Variants in KNL1 observed in about 807,000 individuals in gnomAD.
KNL1 encodes the protein outer kinetochore KNL1 complex subunit KNL1.
In KNL1, 66 loss-of-function variants were observed where a neutral mutation model predicts 201.3. The observed-to-expected ratio is 0.33, with a 90% CI of 0.27 to 0.40. The LOEUF (loss-of-function observed/expected upper bound fraction) is 0.40, where lower values mean the gene tolerates loss of function less well. KNL1 is among the 10% of genes least tolerant of loss of function. The pLI is 1.00. For synonymous variants in KNL1, 895 were observed against 899.2 expected (o/e 1.00, Z 0.08); for missense variants, 2,815 against 2,690.5 (o/e 1.05, Z -1.02).
intron 21 of KNL1, 78 bp downstream of exon 21, chr15:40,652,183 A>G (rs1280980421): frequency 1.1e-6 from 1 of 908,256 alleles, no homozygotes; most frequent in Non-Finnish European, 1.8e-6. Flanking sequence ...TCTTTATTTT[A>G]CTATACTGAT....
intron 10 of KNL1, among the ~76,000 whole-genome samples, chr15:40,627,672 G>A (rs2141730255): frequency 6.6e-6 from 1 of 152,270 alleles, no homozygotes; most frequent in East Asian, 1.9e-4. Context: ...AGTAAAGCCT[G>A]GAAATAAGTT....
chr15:40,656,993 A>G (rs758783205), intron 22 of KNL1, 49 bp from the exon 23 acceptor site: 5 of 802,008 alleles, frequency 6.2e-6, no homozygotes, highest in East Asian at 2.7e-5. Context: ...TATAAAATAT[A>G]TGAATCATAA....
At chr15:40,659,584 C>T in intron 25 of KNL1, 123 bp downstream of exon 25, 1 of 786,440 alleles carries the variant, frequency 1.3e-6, no homozygotes, top group Non-Finnish European at 1.9e-6. Context: ...CCTCTGCCTC[C>T]CGGGTTCACG....
In KNL1 at chr15:40,629,754, G is replaced by A. The variant is rs569214209; in HGVS notation, c.5682+383G>A. Among the ~76,000 whole-genome samples the A allele has an allele frequency of 5.3e-5, 8 of 152,008 alleles. No homozygotes were observed. In the East Asian group the frequency reaches 1.6e-3, roughly 29 times the overall value. The stretch of plus-strand genomic sequence containing the variant: ...CTGACCTCGTGACCCACTTGCCTCA[G>A]CCTCCCAAAGTGCTGGGTTTACAAG... On this transcript the variant is annotated intron_variant, in intron 13 of 25. Coordinates refer to ENST00000399668, the MANE Select transcript of KNL1 (RefSeq NM_144508.5).
rs188420791 is a variant in KNL1 at position 40,647,155 on chromosome 15, C to T, written c.6094+81C>T. The T allele has an allele frequency of 4.9e-4, 367 of 745,056 alleles. 2 individuals carry two copies. The East Asian group carries it at 5.1e-3, about 10-fold the overall frequency. 46.2% of individuals were successfully genotyped at this position (745,056 alleles called of 1,614,324 possible). On this transcript the variant is annotated intron_variant, in intron 17 of 25. Coordinates refer to ENST00000399668, the MANE Select transcript of KNL1 (RefSeq NM_144508.5). ...CCTACAGTAGAGAATGTTGGTACCA[C>T]GATATTGAAGACTTGTATTAGCAAC...
rs777596900 is a variant in KNL1 at position 40,659,434 on chromosome 15, C to T, written c.6809C>T (p.Thr2270Ile). 1 of 1,613,814 alleles carries T rather than the reference C, an allele frequency of 6.2e-7. No individual in the cohort carries two copies. Among genetic ancestry groups the T allele is most frequent in the South Asian group, 1.1e-5 (1 of 91,064 alleles). ...AYYPSVPLPSTIQNHVGNTSQ... is the reference protein window; with the variant it reads ...AYYPSVPLPSIIQNHVGNTSQ... Reference sequence around the variant, plus strand: ...TATCCATCTGTACCATTACCTTCCACCATTCAGAATCACGTTGGGAACACT... The same window carrying T: ...TATCCATCTGTACCATTACCTTCCATCATTCAGAATCACGTTGGGAACACT... The change falls in exon 25 of 26, where the codon ACC becomes ATC. Residue 2270 changes from threonine (T) to isoleucine (I), a missense_variant. Coordinates refer to ENST00000399668, the MANE Select transcript of KNL1 (RefSeq NM_144508.5).
rs1428077119 is a variant in KNL1, at chr15:40,622,755, G to A, written c.2491G>A (p.Glu831Lys). Reference sequence around the variant, plus strand: ...CTGTATTATGGATGTGTTAGAGGACGAAAGTGTACAGAAACCTAAATTTCC... The same window carrying A: ...CTGTATTATGGATGTGTTAGAGGACAAAAGTGTACAGAAACCTAAATTTCC... ...SNCIMDVLED[E>K]SVQKPKFPKE... The change falls in exon 10 of 26, where the codon GAA becomes AAA. Residue 831 changes from glutamate (E) to lysine (K), a missense_variant. Coordinates refer to ENST00000399668, the MANE Select transcript of KNL1 (RefSeq NM_144508.5). The A allele has an allele frequency of 6.2e-6, 10 of 1,607,882 alleles. No individual in the cohort carries two copies. The highest frequency in any genetic ancestry group is 8.5e-6 in the Non-Finnish European group (10 of 1,177,798).
At chr15:40,616,526 C>G (rs1892350844) in intron 8 of KNL1, among the ~76,000 whole-genome samples, 5 of 152,218 alleles carry the variant, frequency 3.3e-5, no homozygotes. Context: ...ATCAAGAAGT[C>G]ATTTTCAATT....
intron 4 of KNL1, among the ~76,000 whole-genome samples, chr15:40,608,512 G>A (rs1435387905): frequency 6.6e-6 from 1 of 151,236 alleles, no homozygotes; most frequent in Non-Finnish European, 1.5e-5. Flanking sequence ...TTGGGAGGCC[G>A]AGGTGGGCCG....
chr15:40,626,407 G>A (rs1283686566), intron 10 of KNL1, among the ~76,000 whole-genome samples: 1 of 151,328 alleles, frequency 6.6e-6, no homozygotes, highest in African/African-American at 2.4e-5. Context: ...CTGATCTCAG[G>A]TGATCCACCC....
At chr15:40,650,412 G>T in intron 18 of KNL1, 34 bp downstream of exon 18, 1 of 1,571,826 alleles carries the variant, frequency 6.4e-7, no homozygotes, top group Non-Finnish European at 8.7e-7. Flanking sequence ...AAATGGGTGT[G>T]GGGGAAGCCC....
In KNL1 at chr15:40,621,413, A is replaced by G; in HGVS notation, c.1149A>G (p.Ile383Met). 1.2e-6 allele frequency: 2 copies of G among 1,613,274 alleles called. No homozygotes were observed. Among genetic ancestry groups the G allele is most frequent in the Non-Finnish European group, 1.7e-6 (2 of 1,179,676 alleles). ...QDLSINSADK[I>M]HITRSHIMGA... ...TTTCCATAAACTCTGCAGACAAAAT[A>G]CATATTACCAGAAGTCATATTATGG... The change falls in exon 10 of 26, where the codon ATA (isoleucine) becomes ATG (methionine). Residue 383 changes from isoleucine (I) to methionine (M), a missense_variant. This residue lies in a region of KNL1 where 2,464 missense variants were observed against 2,291.7 expected (regional missense o/e 1.08). Coordinates refer to ENST00000399668, the MANE Select transcript of KNL1 (RefSeq NM_144508.5).
chr15:40,610,748 A>C (rs1471166410), intron 6 of KNL1: 2 of 455,522 alleles, frequency 4.4e-6, no homozygotes, highest in Middle Eastern at 4.0e-4. Flanking sequence ...GATAGTAAGT[A>C]AATTTATTTA....
rs761320880 is a variant in KNL1, at chr15:40,622,686, TGTG to T, written c.2425_2427del (p.Gly809del). On this transcript the variant is annotated inframe_deletion, in exon 10 of 26. Coordinates refer to ENST00000399668, the MANE Select transcript of KNL1 (RefSeq NM_144508.5). Reference sequence around the variant, plus strand: ...ACAGATAGCTGTAAAAGTTGAAAAATGTGGTAAAAGTCCCATAGAAAAAAGTGG... The same window carrying T: ...ACAGATAGCTGTAAAAGTTGAAAAATGTAAAAGTCCCATAGAAAAAAGTGG... 2.0e-4 allele frequency: 315 copies of T among 1,590,508 alleles called. 1 individual carries two copies. The highest frequency in any genetic ancestry group is 1.1e-4 in the Non-Finnish European group (123 of 1,171,346).
intron 1 of KNL1, among the ~76,000 whole-genome samples, chr15:40,600,043 G>T (rs544811024): frequency 6.7e-6 from 1 of 148,586 alleles, no homozygotes; most frequent in South Asian, 2.1e-4. Context: ...ACAAATTGCT[G>T]GATTCTTTTT....
At chr15:40,661,620 T>A (rs915055975) in intron 25 of KNL1, among the ~76,000 whole-genome samples, 24 of 152,244 alleles carry the variant, frequency 1.6e-4, no homozygotes, top group African/African-American at 5.8e-4. Flanking sequence ...TTAGGCCCTG[T>A]TTTGGAATCC....
intron 10 of KNL1, among the ~76,000 whole-genome samples, chr15:40,626,808 G>A (rs1308277422): frequency 6.6e-6 from 1 of 152,112 alleles, no homozygotes; most frequent in Non-Finnish European, 1.5e-5. Flanking sequence ...TCAAACTCCT[G>A]GCCTCAAGTG....
In KNL1 at chr15:40,624,118, T is replaced by A. The variant is rs1892651759; in HGVS notation, c.3854T>A (p.Val1285Glu). Residue 1285 changes from valine (V) to glutamate (E), a missense_variant, in exon 10 of 26, where the codon GTG becomes GAG. Physicochemically the swap from Val to Glu is moderately radical, Grantham distance 121. Around this residue, in one of 3 missense-constraint regions of KNL1, gnomAD observed 2,464 missense variants for 2,291.7 expected, o/e 1.08. Transcript: ENST00000399668. ...CQLNNRDRRN[V>E]DFTSSHATAV... is the part of the protein sequence containing the mutation. Reference sequence around the variant, plus strand: ...TTAAATAATAGAGATAGAAGAAATGTGGACTTTACAAGTAGTCATGCAACT... The same window carrying A: ...TTAAATAATAGAGATAGAAGAAATGAGGACTTTACAAGTAGTCATGCAACT... 2 of 1,614,040 alleles carry A rather than the reference T, an allele frequency of 1.2e-6. No individual in the cohort carries two copies. The highest frequency in any genetic ancestry group is 1.7e-6 in the Non-Finnish European group (2 of 1,179,922).
intron 13 of KNL1, among the ~76,000 whole-genome samples, chr15:40,635,713 C>T (rs1212867141): frequency 6.6e-6 from 1 of 152,104 alleles, no homozygotes; most frequent in Non-Finnish European, 1.5e-5. Context: ...GACATGTACA[C>T]ACCTCCCATA....
Sources: allele counts gnomAD v4.1 joint callset (sites outside exome capture counted in the v4.1 genomes callset), GRCh38; gene constraint gnomAD v4.1.1; regional missense constraint gnomAD v4.1.1; transcripts MANE v1.5; gene names NCBI Gene and HGNC (gene_info 2026-07-23, HGNC 2026-07-21).